The following HNRNPUL1 variants were observed in gnomAD, a reference collection of about 807,000 sequenced individuals.
HNRNPUL1 encodes the protein heterogeneous nuclear ribonucleoprotein U-like protein 1.
In HNRNPUL1, 14 loss-of-function variants were observed where a neutral mutation model predicts 108.5. That is an observed-to-expected ratio of 0.13 (90% CI 0.09 to 0.20). HNRNPUL1 has a LOEUF of 0.20. HNRNPUL1 is among the 10% of genes least tolerant of loss of function. The probability of loss-of-function intolerance (pLI) is 1.00; values close to 1 mark genes in which losing one functional copy is unlikely to be tolerated. For missense variants in HNRNPUL1, 804 were observed against 1,168.3 expected (o/e 0.69, Z 4.55); for synonymous variants, 422 against 445.2 (o/e 0.95, Z 0.66).
At position 41,304,167 on chromosome 19, in the gene HNRNPUL1, C is replaced by T; in HGVS notation, c.2168C>T (p.Pro723Leu). Reference sequence around the variant, plus strand: ...CCCAGCTACAGCCCTGCTCGGAACCCCCCAGGGGCCAGCACCTACAATAAG... The same window carrying T: ...CCCAGCTACAGCCCTGCTCGGAACCTCCCAGGGGCCAGCACCTACAATAAG... ...PPPSYSPARN[P>L]PGASTYNKNS... is the part of the protein sequence containing the mutation. Residue 723 changes from proline to leucine, a missense_variant, in exon 13 of 15, where the codon CCC (proline) becomes CTC (leucine). Around this residue, in one of 4 missense-constraint regions of HNRNPUL1, gnomAD observed 294 missense variants for 388.3 expected, o/e 0.76. Coordinates refer to ENST00000392006, the MANE Select transcript of HNRNPUL1 (RefSeq NM_007040.6). 1 of 1,614,168 alleles carries T rather than the reference C, an allele frequency of 6.2e-7. No individual in the cohort carries two copies. The highest frequency in any genetic ancestry group is 1.1e-5 in the South Asian group (1 of 91,080).
chr19:41,304,217 G>A lies in HNRNPUL1; in HGVS notation c.2218G>A (p.Ala740Thr), dbSNP rs11556495. The A allele has an allele frequency of 2.0e-5, 33 of 1,613,116 alleles. 1 individual carries two copies. The highest frequency in any genetic ancestry group is 8.3e-5 in the Admixed American group (5 of 59,902). Residue 740 changes from alanine to threonine, a missense_variant, in exon 13 of 15, where the codon GCC becomes ACC. Ala to Thr is a moderately conservative substitution (Grantham distance 58). Coordinates refer to ENST00000392006, the MANE Select transcript of HNRNPUL1 (RefSeq NM_007040.6). ...GAACAGCAACATCCCTGGCTCAAGCGCCAATACCAGCACCCCCACCGTCAG... is the reference window on the plus strand; with the variant it reads ...GAACAGCAACATCCCTGGCTCAAGCACCAATACCAGCACCCCCACCGTCAG... ...NKNSNIPGSS[A>T]NTSTPTVSSY...
chr19:41,287,334 T>A (rs1173098706), intron 7 of HNRNPUL1, among the ~76,000 whole-genome samples: 1 of 152,030 alleles, frequency 6.6e-6, no homozygotes. Flanking sequence ...AGTAAAGATA[T>A]TAATGACAGT....
chr19:41,275,996 A>G (rs2035531259), intron 4 of HNRNPUL1, among the ~76,000 whole-genome samples, 163 bp from the exon 5 acceptor site: 1 of 152,144 alleles, frequency 6.6e-6, no homozygotes, highest in African/African-American at 2.4e-5. Flanking sequence ...CCAGCTACTC[A>G]GGAAGCTGAG....
Position 41,292,563 on chromosome 19 carries a change from GACACAC to G in HNRNPUL1, c.1266+70_1266+75del, listed in dbSNP as rs57173622. The G allele has an allele frequency of 1.8e-3, 2,675 of 1,491,114 alleles. No individual in the cohort carries two copies. The highest frequency in any genetic ancestry group is 4.6e-3 in the East Asian group (192 of 41,366). The allele number at this position is 1,491,114 out of a possible 1,614,324, so 92.4% of individuals were successfully genotyped here. A position where few individuals can be genotyped will look rare whatever the true frequency, so the allele number is the denominator to read the frequency against. ...GCCACCTTGCTGCCAAGACAGAGGA[GACACAC>G]ACACACACACACACACAGACTTGCT... On this transcript the variant is annotated intron_variant, in intron 8 of 14. Transcript: ENST00000392006. This position sits in a 1 kb window ranked among gnomAD's most constrained non-coding sequence, Gnocchi z 4.1.
At chr19:41,264,992 G>T in intron 1 of HNRNPUL1, 194 bp downstream of exon 1, 1 of 1,396,220 alleles carries the variant, frequency 7.2e-7, no homozygotes, top group Non-Finnish European at 9.2e-7. Context: ...CTCAGTGCAG[G>T]GGGGACACTG....
chr19:41,298,326 C>T (rs2037005247), intron 10 of HNRNPUL1, among the ~76,000 whole-genome samples: 1 of 152,188 alleles, frequency 6.6e-6, no homozygotes, highest in East Asian at 1.9e-4. Context: ...CTCTTGGAAT[C>T]AACATCTTCA....
At chr19:41,266,216 C>T (rs1318055434) in intron 1 of HNRNPUL1, among the ~76,000 whole-genome samples, 2 of 152,078 alleles carry the variant, frequency 1.3e-5, no homozygotes, top group South Asian at 2.1e-4. Context: ...GGGCGGATCA[C>T]GAGGTCAGGA....
intron 7 of HNRNPUL1, among the ~76,000 whole-genome samples, chr19:41,282,534 A>G (rs1228217910): frequency 1.3e-5 from 2 of 152,108 alleles, no homozygotes. Context: ...AAGCTTGAGA[A>G]TAAAGAATTC....
chr19:41,293,768 G>A (rs1281996369), intron 8 of HNRNPUL1, among the ~76,000 whole-genome samples: 1 of 152,196 alleles, frequency 6.6e-6, no homozygotes, highest in Non-Finnish European at 1.5e-5. Flanking sequence ...AGGCCAAGAA[G>A]GGAGGAGGAT....
intron 10 of HNRNPUL1, among the ~76,000 whole-genome samples, chr19:41,295,403 T>G (rs1415553550): frequency 6.6e-6 from 1 of 152,206 alleles, no homozygotes; most frequent in Non-Finnish European, 1.5e-5. Context: ...CAGTTTTTTG[T>G]CCCTATCTTT....
In HNRNPUL1 at chr19:41,306,640, C is replaced by T. The variant is rs939065857; in HGVS notation, c.*75C>T. ...GCGCCTGCCTCGGCCCCTCCTCTGC[C>T]CCCGCCAGATCCCGTGGTGCTGGGG... On this transcript the variant is annotated 3_prime_UTR_variant, in exon 15 of 15. Coordinates refer to ENST00000392006, the MANE Select transcript of HNRNPUL1 (RefSeq NM_007040.6). 2 of 903,748 alleles carry T rather than the reference C, an allele frequency of 2.2e-6. No individual in the cohort carries two copies. The highest frequency in any genetic ancestry group is 3.2e-6 in the Non-Finnish European group (2 of 618,802). The allele number at this position is 903,748 out of a possible 1,614,324, so 56.0% of individuals were successfully genotyped here.
At chr19:41,287,476 T>C (rs1448999666) in intron 7 of HNRNPUL1, among the ~76,000 whole-genome samples, 5 of 152,202 alleles carry the variant, frequency 3.3e-5, no homozygotes, top group Non-Finnish European at 4.4e-5. Context: ...TGGGATCATA[T>C]TGCATTCTCT....
At chr19:41,284,499 T>C (rs940991022) in intron 7 of HNRNPUL1, among the ~76,000 whole-genome samples, 1 of 151,536 alleles carries the variant, frequency 6.6e-6, no homozygotes, top group African/African-American at 2.4e-5. Flanking sequence ...AAACAAACTT[T>C]TAATATTTTA....
At chr19:41,287,970 C>T (rs1426752210) in intron 7 of HNRNPUL1, among the ~76,000 whole-genome samples, 2 of 152,092 alleles carry the variant, frequency 1.3e-5, no homozygotes, top group African/African-American at 4.8e-5. Flanking sequence ...AAATCTTGGC[C>T]ATCTTTCCCT....
chr19:41,286,662 C>G (rs993692064), intron 7 of HNRNPUL1: 2 of 149,468 alleles, frequency 1.3e-5, no homozygotes, highest in African/African-American at 5.0e-5. Context: ...AACCTAGTAG[C>G]TGAGACTGCA....
intron 6 of HNRNPUL1, among the ~76,000 whole-genome samples, chr19:41,280,289 A>T (rs1432395876): frequency 6.6e-6 from 1 of 152,114 alleles, no homozygotes; most frequent in Non-Finnish European, 1.5e-5. Context: ...GGTGATGAAC[A>T]CCCTAAAAGC....
intron 10 of HNRNPUL1, among the ~76,000 whole-genome samples, chr19:41,300,450 G>A (rs146211225): frequency 1.3e-5 from 2 of 152,014 alleles, no homozygotes; most frequent in Non-Finnish European, 2.9e-5. Context: ...TCCTTACTCC[G>A]TTTCTGCTGA....
chr19:41,263,640 C>G (rs1249047184), upstream of HNRNPUL1, among the ~76,000 whole-genome samples: 1 of 152,222 alleles, frequency 6.6e-6, no homozygotes, highest in Non-Finnish European at 1.5e-5. Context: ...CAACTGGGTT[C>G]CTTCCAGATT....
intron 2 of HNRNPUL1, among the ~76,000 whole-genome samples, 181 bp downstream of exon 2, chr19:41,268,526 G>A (rs2035002005): frequency 6.6e-6 from 1 of 152,148 alleles, no homozygotes; most frequent in South Asian, 2.1e-4. Context: ...ATTTCCAAGT[G>A]TTGGGAGAGG....
Sources: allele counts gnomAD v4.1 joint callset (sites outside exome capture counted in the v4.1 genomes callset), GRCh38; gene constraint gnomAD v4.1.1; regional missense constraint gnomAD v4.1.1; non-coding constraint Gnocchi (gnomAD v3.1); transcripts MANE v1.5; gene names NCBI Gene and HGNC (gene_info 2026-07-23, HGNC 2026-07-21).